Variants in XKR6 observed in about 807,000 individuals in gnomAD.
XKR6 encodes the protein XK related 6.
A neutral mutation model predicts 56.7 loss-of-function variants in XKR6; 22 were observed. That is an observed-to-expected ratio of 0.39 (90% confidence interval 0.28 to 0.55). XKR6 has a LOEUF of 0.55. XKR6 is among the 20% of genes least tolerant of loss of function. The pLI is 0.66. For missense variants in XKR6, 852 were observed against 889.0 expected (o/e 0.96, Z 0.53); for synonymous variants, 524 against 387.8 (o/e 1.35, Z -4.13).
intron 2 of XKR6, among the ~76,000 whole-genome samples, chr8:10,918,600 GAGA>G (rs1216857247): frequency 1.3e-5 from 2 of 152,206 alleles, no homozygotes; most frequent in African/African-American, 2.4e-5. Context: ...ACAGGTTTTA[GAGA>G]AGGACTCTCC....
At chr8:11,019,869 G>A (rs796075252) in intron 1 of XKR6, among the ~76,000 whole-genome samples, 1 of 152,222 alleles carries the variant, frequency 6.6e-6, no homozygotes, top group East Asian at 1.9e-4. Context: ...CCAGAAAAGA[G>A]AAATCCGATC....
chr8:11,189,520 C>A (rs989818188), intron 1 of XKR6, among the ~76,000 whole-genome samples: 1 of 152,178 alleles, frequency 6.6e-6, no homozygotes, highest in Admixed American at 6.5e-5. Flanking sequence ...TACTGGTAAT[C>A]CATTAGAATC....
intron 1 of XKR6, among the ~76,000 whole-genome samples, chr8:11,074,706 G>C (rs79072778): frequency 1.1e-4 from 17 of 152,146 alleles, no homozygotes; most frequent in Non-Finnish European, 2.4e-4. Flanking sequence ...GCAGAGAGAC[G>C]GCGAAGTGGA....
intron 1 of XKR6, among the ~76,000 whole-genome samples, chr8:11,065,265 G>A (rs1164849825): frequency 2.0e-5 from 3 of 152,198 alleles, no homozygotes; most frequent in Non-Finnish European, 4.4e-5. Flanking sequence ...ACAGTTACAA[G>A]ATAGTCACTT....
intron 2 of XKR6, among the ~76,000 whole-genome samples, chr8:10,905,529 T>G (rs935555486): frequency 6.6e-6 from 1 of 152,150 alleles, no homozygotes; most frequent in Non-Finnish European, 1.5e-5. Context: ...ATTTGCATGC[T>G]CACCTAACTT....
At chr8:10,986,292 A>C (rs370726855) in intron 1 of XKR6, among the ~76,000 whole-genome samples, 1 of 152,258 alleles carries the variant, frequency 6.6e-6, no homozygotes, top group African/African-American at 2.4e-5. Context: ...AGATGGATCA[A>C]TTATGTAAAC....
chr8:11,123,981 C>T (rs1586578706), intron 1 of XKR6: 1 of 456,128 alleles, frequency 2.2e-6, no homozygotes, highest in South Asian at 1.5e-5. Flanking sequence ...GAGGCACTGC[C>T]GTGAGCAGCC....
intron 1 of XKR6, among the ~76,000 whole-genome samples, chr8:11,167,609 T>C (rs1272442868): frequency 1.6e-4 from 24 of 151,992 alleles, no homozygotes; most frequent in Admixed American, 1.4e-3. Flanking sequence ...AAAGCATCCA[T>C]ATATATGGGT....
chr8:10,916,543 C>A (rs1196045832), intron 2 of XKR6, among the ~76,000 whole-genome samples: 1 of 152,178 alleles, frequency 6.6e-6, no homozygotes, highest in Non-Finnish European at 1.5e-5. Context: ...GAGAGGAGGC[C>A]ATTCAACTGA....
chr8:10,932,132 T>G (rs1214258366), intron 1 of XKR6, among the ~76,000 whole-genome samples: 1 of 152,136 alleles, frequency 6.6e-6, no homozygotes, highest in African/African-American at 2.4e-5. Context: ...TATATTAAAA[T>G]CACAGTGAAA....
intron 1 of XKR6, among the ~76,000 whole-genome samples, chr8:11,150,072 G>A (rs1408475695): frequency 6.6e-6 from 1 of 152,200 alleles, no homozygotes; most frequent in Non-Finnish European, 1.5e-5. Context: ...GCTGGGAAGA[G>A]TTGGGTGGGG....
At chr8:11,128,839 C>A (rs1340221282) in intron 1 of XKR6, 1 of 456,818 alleles carries the variant, frequency 2.2e-6, no homozygotes, top group Non-Finnish European at 4.4e-6. Flanking sequence ...ATCACCTTAC[C>A]ACCTCCACTG....
At chr8:11,061,374 G>A (rs1490943326) in intron 1 of XKR6, among the ~76,000 whole-genome samples, 1 of 152,124 alleles carries the variant, frequency 6.6e-6, no homozygotes, top group Non-Finnish European at 1.5e-5. Context: ...GCTGAGGTGG[G>A]AGGATCACCT....
chr8:10,904,188 G>C (rs1800120783), intron 2 of XKR6, among the ~76,000 whole-genome samples: 1 of 152,122 alleles, frequency 6.6e-6, no homozygotes, highest in Non-Finnish European at 1.5e-5. Flanking sequence ...CCTTTCCCTG[G>C]TGCAGACCAG....
chr8:10,960,197 G>C (rs1802018966), intron 1 of XKR6, among the ~76,000 whole-genome samples: 1 of 152,176 alleles, frequency 6.6e-6, no homozygotes, highest in African/African-American at 2.4e-5. Flanking sequence ...GGCAGGTGCA[G>C]GTACAGCAGG....
intron 1 of XKR6, among the ~76,000 whole-genome samples, chr8:11,167,302 C>T (rs1328404192): frequency 6.6e-6 from 1 of 152,218 alleles, no homozygotes. Flanking sequence ...TTTGCCCTAT[C>T]TCCTCCCAGT....
chr8:11,017,150 C>A (rs912683861), intron 1 of XKR6, among the ~76,000 whole-genome samples: 8 of 152,136 alleles, frequency 5.3e-5, no homozygotes, highest in African/African-American at 1.9e-4. Context: ...ATGATAGATA[C>A]ATATAGATGA....
chr8:11,069,550 G>T (rs1297580960), intron 1 of XKR6, among the ~76,000 whole-genome samples: 7 of 152,102 alleles, frequency 4.6e-5, no homozygotes, highest in Non-Finnish European at 7.4e-5. Context: ...CATGTAAGAG[G>T]CATACCCCTA....
At chr8:10,914,812 T>C (rs1586299855) in intron 2 of XKR6, among the ~76,000 whole-genome samples, 1 of 152,222 alleles carries the variant, frequency 6.6e-6, no homozygotes, top group Admixed American at 6.5e-5. Flanking sequence ...GCTGGCCTCC[T>C]GGGTAGCCCC....
Sources: allele counts gnomAD v4.1 joint callset (sites outside exome capture counted in the v4.1 genomes callset), GRCh38; gene constraint gnomAD v4.1.1; transcripts MANE v1.5; gene names NCBI Gene and HGNC (gene_info 2026-07-23, HGNC 2026-07-21).